The following ANTXR2 variants were observed in gnomAD, a reference collection of about 807,000 sequenced individuals.
ANTXR2 encodes ANTXR cell adhesion molecule 2.
A neutral mutation model predicts 73.7 loss-of-function variants in ANTXR2; 44 were observed. That is an observed-to-expected ratio of 0.60 (90% confidence interval 0.47 to 0.77). The LOEUF is 0.77. Ranked by LOEUF, ANTXR2 falls within the 30% of genes least tolerant of loss-of-function variation. The probability of loss-of-function intolerance (pLI) is 0.00; values close to 1 mark genes in which losing one functional copy is unlikely to be tolerated. For missense variants in ANTXR2, 604 were observed against 592.5 expected (o/e 1.02, Z -0.20); for synonymous variants, 217 against 205.9 (o/e 1.05, Z -0.46).
chr4:80,026,892 C>T (rs2110077475), intron 10 of ANTXR2, among the ~76,000 whole-genome samples: 1 of 152,056 alleles, frequency 6.6e-6, no homozygotes, highest in Middle Eastern at 3.4e-3. Context: ...AAAGACATTG[C>T]CAGAACCGTA....
Position 80,038,684 on chromosome 4 carries a change from A to G in ANTXR2, c.637-2652T>C, listed in dbSNP as rs114539713. On this transcript the variant is annotated intron_variant, in intron 7 of 16. Transcript: ENST00000403729. The stretch of plus-strand genomic sequence containing the variant: ...CAATATTCATAATTATTTTAATAAA[A>G]TAAGTTTTTCTAAAAATAATATAAT... Among the ~76,000 whole-genome samples, 1,507 of 152,148 alleles carry G rather than the reference A, an allele frequency of 9.9e-3. 24 individuals are homozygous for G. The highest frequency in any genetic ancestry group is 0.035 in the African/African-American group (1,438 of 41,550).
intron 14 of ANTXR2, among the ~76,000 whole-genome samples, chr4:79,981,967 G>C (rs1729911256): frequency 6.6e-6 from 1 of 152,176 alleles, no homozygotes; most frequent in African/African-American, 2.4e-5. Flanking sequence ...TTAGGGATGT[G>C]TGTATGCTCT....
At position 79,989,963 on chromosome 4, in the gene ANTXR2, G is replaced by C. The variant is rs528105858; in HGVS notation, c.1042-5100C>G. On this transcript the variant is annotated intron_variant, in intron 12 of 16. Coordinates refer to ENST00000403729, the MANE Select transcript of ANTXR2 (RefSeq NM_058172.6). ...CATGTTAAAACTCTCAACAAACTAG[G>C]CATCAAAAAAAATATCTCAAAATAG... 4.0e-5 allele frequency among the ~76,000 whole-genome samples: 6 copies of C among 148,976 alleles called. No individual in the cohort carries two copies. In the South Asian group the frequency reaches 1.1e-3, roughly 26 times the overall value.
chr4:79,937,618 T>C (rs1174692984), intron 16 of ANTXR2, among the ~76,000 whole-genome samples: 1 of 152,126 alleles, frequency 6.6e-6, no homozygotes, highest in African/African-American at 2.4e-5. Flanking sequence ...TCATAAAATG[T>C]TATGTGTCAC....
intron 3 of ANTXR2, among the ~76,000 whole-genome samples, chr4:80,064,465 G>A (rs1734404986): frequency 6.6e-6 from 1 of 152,160 alleles, no homozygotes; most frequent in Non-Finnish European, 1.5e-5. Flanking sequence ...CTCTGTTCTA[G>A]GTGTTGGGAT....
intron 10 of ANTXR2, among the ~76,000 whole-genome samples, chr4:80,028,256 T>C (rs779083298): frequency 2.0e-5 from 3 of 152,116 alleles, no homozygotes; most frequent in Non-Finnish European, 4.4e-5. Context: ...CAAAATGATA[T>C]ACCTGGACAG....
At chr4:79,993,899 A>G (rs1730604797) in intron 12 of ANTXR2, among the ~76,000 whole-genome samples, 1 of 151,642 alleles carries the variant, frequency 6.6e-6, no homozygotes, top group Non-Finnish European at 1.5e-5. Context: ...TTCTCATGAG[A>G]TGGTCCTGAG....
chr4:79,915,852 C>A (rs34221899), intron 16 of ANTXR2, among the ~76,000 whole-genome samples: 189 of 115,616 alleles, frequency 1.6e-3, no homozygotes, highest in South Asian at 6.3e-3. Context: ...CTCTCTCTCT[C>A]TCTCTCTCTC....
At chr4:79,927,039 A>G (rs987073034) in intron 16 of ANTXR2, among the ~76,000 whole-genome samples, 7 of 110,330 alleles carry the variant, frequency 6.3e-5, no homozygotes, top group Admixed American at 3.2e-4. Context: ...ATATGTGTGT[A>G]TATATATGTG....
chr4:80,046,621 T>G (rs1278519679), intron 7 of ANTXR2, among the ~76,000 whole-genome samples: 1 of 151,828 alleles, frequency 6.6e-6, no homozygotes, highest in Non-Finnish European at 1.5e-5. Context: ...CAAGCAGTCT[T>G]AGTCTATATT....
At chr4:79,997,389 T>C (rs1333248924) in intron 12 of ANTXR2, among the ~76,000 whole-genome samples, 2 of 152,056 alleles carry the variant, frequency 1.3e-5, no homozygotes, top group East Asian at 3.9e-4. Context: ...CCACAGACAA[T>C]AGAGAAACAT....
chr4:79,966,407 G>A (rs1027102019), intron 16 of ANTXR2, among the ~76,000 whole-genome samples: 1 of 152,162 alleles, frequency 6.6e-6, no homozygotes, highest in South Asian at 2.1e-4. Context: ...AGGTAGTGGT[G>A]AGCTATGGAT....
intron 11 of ANTXR2, among the ~76,000 whole-genome samples, chr4:80,015,882 A>G (rs999929664): frequency 3.1e-5 from 2 of 64,336 alleles, no homozygotes; most frequent in African/African-American, 1.4e-4. Flanking sequence ...AAAGGAAAGG[A>G]AAGGAAAGGA....
At chr4:80,050,459 C>T (rs1560423360) in intron 7 of ANTXR2, among the ~76,000 whole-genome samples, 2 of 151,740 alleles carry the variant, frequency 1.3e-5, no homozygotes, top group East Asian at 3.9e-4. Context: ...TCAGGAGCCC[C>T]ATCATTAGCC....
chr4:79,960,616 C>T (rs1729105728), intron 16 of ANTXR2, among the ~76,000 whole-genome samples: 1 of 151,888 alleles, frequency 6.6e-6, no homozygotes, highest in South Asian at 2.1e-4. Flanking sequence ...GGTATTCTTT[C>T]ATTTCTCCTT....
chr4:79,972,952 C>T (rs569364904), intron 16 of ANTXR2, among the ~76,000 whole-genome samples: 56 of 135,376 alleles, frequency 4.1e-4, no homozygotes, highest in African/African-American at 1.2e-3. Flanking sequence ...ATAGGGCGTC[C>T]GAAGGCTTCA....
chr4:79,932,879 G>A (rs1398697004), intron 16 of ANTXR2, among the ~76,000 whole-genome samples: 2 of 151,804 alleles, frequency 1.3e-5, no homozygotes, highest in Non-Finnish European at 2.9e-5. Flanking sequence ...GCAGCAGGAG[G>A]GTAGCAACTA....
intron 11 of ANTXR2, among the ~76,000 whole-genome samples, chr4:80,018,557 C>T (rs1174201933): frequency 6.6e-6 from 1 of 152,040 alleles, no homozygotes; most frequent in Non-Finnish European, 1.5e-5. Context: ...TCTAACCTTC[C>T]TAACAGAAAA....
At chr4:80,057,150 A>C (rs954613256) in intron 3 of ANTXR2, among the ~76,000 whole-genome samples, 9 of 151,954 alleles carry the variant, frequency 5.9e-5, no homozygotes, top group Non-Finnish European at 8.8e-5. Flanking sequence ...TGATAAACTG[A>C]ATTAGAAAAT....
Sources: allele counts gnomAD v4.1 joint callset (sites outside exome capture counted in the v4.1 genomes callset), GRCh38; gene constraint gnomAD v4.1.1; transcripts MANE v1.5; gene names NCBI Gene and HGNC (gene_info 2026-07-23, HGNC 2026-07-21).